Variants in SMG6 observed in about 807,000 individuals in gnomAD.
The protein encoded by SMG6 is telomerase-binding protein EST1A.
Under a neutral mutation model 142.2 loss-of-function variants are expected in SMG6, and 66 were observed. The ratio of observed to expected loss-of-function variants is 0.46; its 90% CI spans 0.38 to 0.57. SMG6 has a LOEUF of 0.57. Ranked by LOEUF, SMG6 falls within the 20% of genes least tolerant of loss-of-function variation. The pLI is 0.00. For synonymous variants in SMG6, 779 were observed against 702.4 expected (o/e 1.11, Z -1.72); for missense variants, 1,793 against 1,832.0 (o/e 0.98, Z 0.39).
chr17:2,173,607 C>G (rs1014065455), intron 12 of SMG6, among the ~76,000 whole-genome samples: 1 of 152,150 alleles, frequency 6.6e-6, no homozygotes, highest in African/African-American at 2.4e-5. Flanking sequence ...GAAAGTCCCA[C>G]GTCCCCAGAA....
At chr17:2,264,639 T>C (rs1012238394) in intron 8 of SMG6, among the ~76,000 whole-genome samples, 2 of 152,182 alleles carry the variant, frequency 1.3e-5, no homozygotes, top group African/African-American at 2.4e-5. Context: ...CAGTGACTCA[T>C]AGCTATAATC....
At position 2,258,038 on chromosome 17, in the gene SMG6, TACACACAC is replaced by T. The variant is rs869173398; in HGVS notation, c.2662-13327_2662-13320del. Among the ~76,000 whole-genome samples the T allele has an allele frequency of 5.4e-4, 48 of 89,288 alleles. 1 individual carries two copies. Among genetic ancestry groups the T allele is most frequent in the South Asian group, 4.7e-3 (14 of 2,952 alleles). The allele number at this position is 89,288 out of a possible 152,430, so 58.6% of individuals were successfully genotyped here. A position where few individuals can be genotyped will look rare whatever the true frequency, so the allele number is the denominator to read the frequency against. The stretch of plus-strand genomic sequence containing the variant: ...AAAAAAAAAAAAAAAAAAAAAAATA[TACACACAC>T]ACACACACACACACACACACATATA... On this transcript the variant is annotated intron_variant, in intron 8 of 18. Coordinates refer to ENST00000263073, the MANE Select transcript of SMG6 (RefSeq NM_017575.5).
At chr17:2,169,236 C>G (rs2071431125) in intron 13 of SMG6, among the ~76,000 whole-genome samples, 1 of 151,100 alleles carries the variant, frequency 6.6e-6, no homozygotes, top group African/African-American at 2.4e-5. Context: ...TGCTTGTGCG[C>G]AGGAATTTGA....
At chr17:2,290,868 T>C (rs2075015841) in intron 6 of SMG6, among the ~76,000 whole-genome samples, 1 of 152,214 alleles carries the variant, frequency 6.6e-6, no homozygotes, top group Non-Finnish European at 1.5e-5. Flanking sequence ...CTCAACATCG[T>C]GTGTCATTAG....
chr17:2,274,839 T>G (rs1037232126), intron 8 of SMG6, among the ~76,000 whole-genome samples: 1 of 152,160 alleles, frequency 6.6e-6, no homozygotes. Flanking sequence ...AAACACCTAT[T>G]GGCCACATGC....
chr17:2,144,182 C>T (rs1234723901), intron 13 of SMG6, among the ~76,000 whole-genome samples: 5 of 151,066 alleles, frequency 3.3e-5, no homozygotes, highest in African/African-American at 1.2e-4. Context: ...CCTCAGGCTC[C>T]AGAGTAGCTG....
chr17:2,205,563 C>T (rs1231420392), intron 10 of SMG6, among the ~76,000 whole-genome samples: 1 of 152,006 alleles, frequency 6.6e-6, no homozygotes, highest in Non-Finnish European at 1.5e-5. Context: ...AACAGCCTAC[C>T]ATAAACGGAC....
At chr17:2,141,058 C>A (rs1396629071) in intron 13 of SMG6, among the ~76,000 whole-genome samples, 1 of 152,162 alleles carries the variant, frequency 6.6e-6, no homozygotes, top group Non-Finnish European at 1.5e-5. Context: ...GTGTTTAATA[C>A]AGTAGCCACT....
At chr17:2,133,995 C>T (rs1165337428) in intron 13 of SMG6, among the ~76,000 whole-genome samples, 1 of 152,114 alleles carries the variant, frequency 6.6e-6, no homozygotes, top group Non-Finnish European at 1.5e-5. Flanking sequence ...AACACTAGCC[C>T]TGGACTGCCT....
chr17:2,259,146 G>A (rs905842857), intron 8 of SMG6, among the ~76,000 whole-genome samples: 4 of 151,570 alleles, frequency 2.6e-5, no homozygotes, highest in African/African-American at 9.7e-5. Context: ...TTTCTATAAA[G>A]ACCAAAAGCA....
At chr17:2,167,131 C>CAAA (rs57898779) in intron 13 of SMG6, among the ~76,000 whole-genome samples, 423 of 35,606 alleles carry the variant, frequency 0.012, 36 homozygotes, top group African/African-American at 0.014. Flanking sequence ...GACTCCATCT[C>CAAA]AAAAAAAAAA....
intron 15 of SMG6, 105 bp downstream of exon 15, chr17:2,081,705 G>T: frequency 7.6e-7 from 1 of 1,321,568 alleles, no homozygotes; most frequent in South Asian, 1.3e-5. Context: ...CTGCAGGACT[G>T]ACTCACTCTT....
chr17:2,296,426 A>G (rs1263105880), intron 4 of SMG6, among the ~76,000 whole-genome samples: 1 of 152,052 alleles, frequency 6.6e-6, no homozygotes, highest in Non-Finnish European at 1.5e-5. Flanking sequence ...ACTTCTCCCT[A>G]TGGCCCTTCA....
chr17:2,277,000 C>CG (rs1350351507), intron 8 of SMG6, among the ~76,000 whole-genome samples: 1 of 151,950 alleles, frequency 6.6e-6, no homozygotes, highest in African/African-American at 2.4e-5. Flanking sequence ...AGCCTGGTCT[C>CG]GAACTCCCAA....
Position 2,087,303 on chromosome 17 carries a change from G to A in SMG6, c.3358-1402C>T. On this transcript the variant is annotated intron_variant, in intron 13 of 18. Transcript: ENST00000263073. ...AGCAGGCATGACCCATGTTCTCTAA[G>A]ACAGTGGAAATAAATGAGCACCGCT... The A allele has an allele frequency of 4.8e-6, 6 of 1,243,292 alleles. No homozygotes were observed. In the South Asian group the frequency reaches 6.6e-5, roughly 14 times the overall value. The allele number at this position is 1,243,292 out of a possible 1,614,324, so 77.0% of individuals were successfully genotyped here.
chr17:2,242,517 G>A (rs551935944), intron 9 of SMG6, among the ~76,000 whole-genome samples: 7 of 150,542 alleles, frequency 4.6e-5, no homozygotes, highest in South Asian at 2.1e-4. Context: ...GCGACAGAGC[G>A]AGACTTCGTC....
chr17:2,237,833 G>A (rs1221919125), intron 9 of SMG6, among the ~76,000 whole-genome samples: 2 of 152,216 alleles, frequency 1.3e-5, no homozygotes, highest in Admixed American at 1.3e-4. Context: ...TGGTGCTAGA[G>A]AGAGTAGCCA....
At chr17:2,086,878 G>C (rs1371313441) in intron 13 of SMG6, among the ~76,000 whole-genome samples, 2 of 152,164 alleles carry the variant, frequency 1.3e-5, no homozygotes, top group Admixed American at 6.5e-5. Flanking sequence ...GAGGGGCCCT[G>C]CTGGATCTGG....
chr17:2,292,522 C>A, intron 6 of SMG6, 30 bp downstream of exon 6: 1 of 1,605,194 alleles, frequency 6.2e-7, no homozygotes, highest in Non-Finnish European at 8.5e-7. Context: ...TCCTGCAAAG[C>A]ACTTTTCCCC....
Sources: gnomAD v4.1 joint callset for allele counts (sites outside exome capture counted in the v4.1 genomes callset) on GRCh38, gnomAD v4.1.1 for gene constraint, MANE v1.5 for transcripts, NCBI Gene and HGNC (gene_info 2026-07-23, HGNC 2026-07-21) for gene names.